GNB5: variants seen among roughly 807,000 people sequenced by gnomAD.
GNB5 encodes the protein G protein subunit beta 5.
A neutral mutation model predicts 55.3 loss-of-function variants in GNB5; 37 were observed. That is an observed-to-expected ratio of 0.67 (90% CI 0.51 to 0.88). The LOEUF is 0.88. Among genes scored for constraint, GNB5 ranks in the 40% least tolerant of loss-of-function variants. GNB5 has a pLI of 0.00. For synonymous variants in GNB5, 219 were observed against 198.5 expected, an observed-to-expected ratio of 1.10 and a Z score of -0.87; for missense variants, 476 against 515.3, an observed-to-expected ratio of 0.92 and a Z score of 0.74.
intron 7 of GNB5, chr15:52,137,238 T>C (rs1596065274): frequency 1.7e-6 from 2 of 1,162,344 alleles, no homozygotes; most frequent in Non-Finnish European, 1.1e-6. Context: ...GCTTGGGGAG[T>C]TGACATCACC....
intron 3 of GNB5, among the ~76,000 whole-genome samples, chr15:52,158,453 C>T (rs1377728273): frequency 6.6e-6 from 1 of 152,212 alleles, no homozygotes; most frequent in African/African-American, 2.4e-5. Flanking sequence ...CAATCCTAAG[C>T]AGCAGTCTTT....
intron 10 of GNB5, among the ~76,000 whole-genome samples, chr15:52,126,298 T>C (rs1050201907): frequency 6.6e-6 from 1 of 152,222 alleles, no homozygotes; most frequent in Non-Finnish European, 1.5e-5. Flanking sequence ...TTTCTTCAGG[T>C]ATAAAAACAA....
chr15:52,137,301 C>T, intron 7 of GNB5: 2 of 1,112,420 alleles, frequency 1.8e-6, no homozygotes, highest in Middle Eastern at 4.2e-4. Flanking sequence ...TCCAGGTGTG[C>T]ACACAGGAGG....
chr15:52,147,550 A>T lies in GNB5; in HGVS notation c.418-15T>A. 6.9e-7 allele frequency: 1 copy of T among 1,450,050 alleles called. No homozygotes were observed. Among genetic ancestry groups the T allele is most frequent in the Non-Finnish European group, 9.4e-7 (1 of 1,058,764 alleles). 89.8% of individuals were successfully genotyped at this position (1,450,050 alleles called of 1,614,324 possible). A position where few individuals can be genotyped will look rare whatever the true frequency, so the allele number is the denominator to read the frequency against. ...ACCGCGTGCTCCTGAAACACAGCAC[A>T]GAGTGAACAACTAGCACTTCCACAC... On this transcript the variant is annotated splice_polypyrimidine_tract_variant and intron_variant, in intron 5 of 12. Transcript: ENST00000261837.
At chr15:52,182,003 A>C (rs1005813953) in intron 2 of GNB5, among the ~76,000 whole-genome samples, 1 of 152,236 alleles carries the variant, frequency 6.6e-6, no homozygotes, top group Non-Finnish European at 1.5e-5. Context: ...GAGTTTGTAA[A>C]GCAAAAGGTT....
At chr15:52,150,325 T>C (rs1051010226) in intron 4 of GNB5, among the ~76,000 whole-genome samples, 2 of 152,160 alleles carry the variant, frequency 1.3e-5, no homozygotes, top group Admixed American at 6.5e-5. Context: ...AGGTAAATAA[T>C]AAATCTTTTT....
chr15:52,121,767 C>A lies in GNB5; in HGVS notation c.*990G>T, dbSNP rs2033275279. 1 of 152,102 alleles carries A rather than the reference C, an allele frequency of 6.6e-6. No individual in the cohort carries two copies. The highest frequency in any genetic ancestry group is 2.4e-5 in the African/African-American group (1 of 41,410). 9.4% of individuals were successfully genotyped at this position (152,102 alleles called of 1,614,324 possible). ...TACAGGCGCCCGCCACCACGCCCGG[C>A]TAATTTTTTGTATTTTTTAGTAGAG... is the stretch of plus-strand genomic sequence containing the variant. On this transcript the variant is annotated 3_prime_UTR_variant, in exon 13 of 13. Transcript: ENST00000261837.
At chr15:52,157,164 C>A (rs1259427317) in intron 3 of GNB5, among the ~76,000 whole-genome samples, 1 of 151,890 alleles carries the variant, frequency 6.6e-6, no homozygotes, top group Non-Finnish European at 1.5e-5. Flanking sequence ...TCTCAATCTT[C>A]TGACCTTGTG....
chr15:52,167,155 T>C (rs1308690575), intron 3 of GNB5, among the ~76,000 whole-genome samples: 1 of 152,070 alleles, frequency 6.6e-6, no homozygotes, highest in Non-Finnish European at 1.5e-5. Flanking sequence ...AATAGGCCAA[T>C]AATGAGGTCT....
At chr15:52,187,272 C>A (rs1391143192) in intron 1 of GNB5, among the ~76,000 whole-genome samples, 1 of 152,122 alleles carries the variant, frequency 6.6e-6, no homozygotes, top group Admixed American at 6.5e-5. Context: ...CCAGTAATAG[C>A]ATTAGGACGG....
intron 1 of GNB5, among the ~76,000 whole-genome samples, chr15:52,188,894 C>T (rs1024108411): frequency 6.6e-6 from 1 of 152,162 alleles, no homozygotes; most frequent in African/African-American, 2.4e-5. Context: ...TTTATTCTTC[C>T]AGACTTTTCT....
intron 9 of GNB5, among the ~76,000 whole-genome samples, chr15:52,130,156 T>C (rs1159294011): frequency 1.3e-5 from 2 of 152,194 alleles, no homozygotes; most frequent in Non-Finnish European, 2.9e-5. Context: ...GCAGCTCAGA[T>C]TTTAAGGTGA....
intron 3 of GNB5, among the ~76,000 whole-genome samples, chr15:52,164,387 G>A (rs536658003): frequency 2.0e-5 from 3 of 151,556 alleles, no homozygotes; most frequent in Non-Finnish European, 4.4e-5. Flanking sequence ...GGGAGGCCGA[G>A]GCGGGCGGAT....
rs1215928357 is a variant in GNB5 at position 52,119,520 on chromosome 15, G to A, written c.*3237C>T. The stretch of plus-strand genomic sequence containing the variant: ...GAGAGGGAGGAGGAGGGGAAGGGAA[G>A]AGAAAGAGGGAAGATAGGTGGAGGG... On this transcript the variant is annotated 3_prime_UTR_variant, in exon 13 of 13. Coordinates refer to ENST00000261837, the MANE Select transcript of GNB5 (RefSeq NM_016194.4). 7.6e-6 allele frequency: 1 copy of A among 130,828 alleles called. No homozygotes were observed. The highest frequency in any genetic ancestry group is 2.9e-5 in the African/African-American group (1 of 34,254). The allele number at this position is 130,828 out of a possible 1,614,324, so 8.1% of individuals were successfully genotyped here. A position where few individuals can be genotyped will look rare whatever the true frequency, so the allele number is the denominator to read the frequency against.
At chr15:52,153,869 G>A in intron 4 of GNB5, 71 bp downstream of exon 4, 2 of 1,345,506 alleles carry the variant, frequency 1.5e-6, no homozygotes, top group Admixed American at 1.8e-5. Flanking sequence ...TTTTGGAAAG[G>A]GACAGCTCTC....
intron 4 of GNB5, 99 bp downstream of exon 4, chr15:52,153,841 C>T: frequency 2.9e-6 from 3 of 1,036,120 alleles, no homozygotes; most frequent in South Asian, 3.2e-5. Context: ...AGCAAAGTCA[C>T]AAAGATCAGA....
chr15:52,160,179 C>T (rs1038684045), intron 3 of GNB5, among the ~76,000 whole-genome samples: 3 of 152,248 alleles, frequency 2.0e-5, no homozygotes, highest in African/African-American at 4.8e-5. Flanking sequence ...AACTCCTGAC[C>T]TCAGGAGATC....
chr15:52,136,063 GAACA>G lies in GNB5; in HGVS notation c.628-311_628-308del, dbSNP rs2033701836. ...GCTTAACGTTTTGCAGGGAAAAGCA[GAACA>G]CACACACACACACACACACACACAC... On this transcript the variant is annotated intron_variant, in intron 7 of 12. Transcript: ENST00000261837. Among the ~76,000 whole-genome samples, 13 of 79,404 alleles carry G rather than the reference GAACA, an allele frequency of 1.6e-4. No homozygotes were observed. The South Asian group carries it at 4.8e-3, about 29-fold the overall frequency. The allele number at this position is 79,404 out of a possible 152,430, so 52.1% of individuals were successfully genotyped here.
At chr15:52,181,859 A>G (rs955182266) in intron 2 of GNB5, among the ~76,000 whole-genome samples, 10 of 151,984 alleles carry the variant, frequency 6.6e-5, no homozygotes, top group Non-Finnish European at 1.3e-4. Flanking sequence ...AATATATAAA[A>G]TATATAAATC....
Sources: gnomAD v4.1 joint callset for allele counts (sites outside exome capture counted in the v4.1 genomes callset) on GRCh38, gnomAD v4.1.1 for gene constraint, MANE v1.5 for transcripts, NCBI Gene and HGNC (gene_info 2026-07-23, HGNC 2026-07-21) for gene names.